THNSL1: variants seen among roughly 807,000 people sequenced by gnomAD.
The protein encoded by THNSL1 is threonine synthase like 1.
THNSL1 carries 48 observed loss-of-function variants against 50.4 expected under a neutral mutation model. The ratio of observed to expected loss-of-function variants is 0.95; its 90% CI spans 0.76 to 1.21. The LOEUF is 1.21. Among genes scored for constraint, THNSL1 ranks in the 50% most tolerant of loss-of-function variants. The probability of loss-of-function intolerance (pLI) is 0.00; values close to 1 mark genes in which losing one functional copy is unlikely to be tolerated. For missense variants in THNSL1, 896 were observed against 871.7 expected, an observed-to-expected ratio of 1.03 and a Z score of -0.35; for synonymous variants, 309 against 306.1, an observed-to-expected ratio of 1.01 and a Z score of -0.10.
chr10:24,999,612 A>G, the THNSL1 span: 1 of 1,365,594 alleles, frequency 7.3e-7, no homozygotes, highest in Non-Finnish European at 1.0e-6. Flanking sequence ...AGTTTACTTA[A>G]AGTTTAAATC....
rs1850804891 is a variant in THNSL1, at chr10:25,024,648, A to C, written c.1425A>C (p.Arg475=). ...CGGCTAACTCCATAAACTGGGGCCG[A>C]CTACTTCCGCAGGTAGTTTATCATG... ...LSSANSINWG[R]LLPQVVYHAS... is the part of the protein sequence containing the mutation. Residue 475 remains arginine, a synonymous_variant, in exon 3 of 3, where the codon CGA becomes CGC. Coordinates refer to ENST00000376356, the MANE Select transcript of THNSL1 (RefSeq NM_024838.5). 6.2e-7 allele frequency: 1 copy of C among 1,614,202 alleles called. No homozygotes were observed. The highest frequency in any genetic ancestry group is 8.5e-7 in the Non-Finnish European group (1 of 1,180,046).
the THNSL1 span, chr10:24,995,516 G>C: frequency 3.0e-4 from 247 of 815,124 alleles, 4 homozygotes; most frequent in East Asian, 6.2e-3. Context: ...GATTGCAGAA[G>C]AATGAGAATC....
the THNSL1 span, among the ~76,000 whole-genome samples, chr10:24,970,647 A>C: frequency 6.6e-6 from 1 of 152,236 alleles, no homozygotes. Context: ...CAGGAGTTCA[A>C]GGCTGCAGTG....
chr10:25,018,396 G>C (rs112725084), intron 1 of THNSL1, among the ~76,000 whole-genome samples: 5 of 152,312 alleles, frequency 3.3e-5, no homozygotes, highest in African/African-American at 1.2e-4. Context: ...TGTCTATAAA[G>C]GGGTAGACAG....
At chr10:24,961,783 A>G in the THNSL1 span, among the ~76,000 whole-genome samples, 1 of 152,158 alleles carries the variant, frequency 6.6e-6, no homozygotes, top group Non-Finnish European at 1.5e-5. Flanking sequence ...GACTAATGAA[A>G]AGTTTATGGT....
At chr10:24,985,254 ATCC>A in the THNSL1 span, among the ~76,000 whole-genome samples, 51 of 152,340 alleles carry the variant, frequency 3.3e-4, no homozygotes, top group Middle Eastern at 0.01. Flanking sequence ...TTAGAATGAT[ATCC>A]TCGAGTCAAA....
upstream of THNSL1, among the ~76,000 whole-genome samples, chr10:25,014,421 C>T (rs1190568698): frequency 6.6e-6 from 1 of 152,006 alleles, no homozygotes; most frequent in Non-Finnish European, 1.5e-5. Context: ...ATCACTCCAA[C>T]AGCACCAAGA....
At chr10:24,988,903 C>T in the THNSL1 span, among the ~76,000 whole-genome samples, 10 of 151,792 alleles carry the variant, frequency 6.6e-5, no homozygotes, top group East Asian at 1.6e-3. Context: ...TGGCTCAGGG[C>T]TCGTCAGGAG....
the THNSL1 span, among the ~76,000 whole-genome samples, chr10:25,000,472 G>A: frequency 4.6e-4 from 70 of 152,104 alleles, 1 homozygote; most frequent in African/African-American, 1.6e-3. Flanking sequence ...AATAGTTTTT[G>A]CTTTATGTAT....
At chr10:24,995,467 T>C in the THNSL1 span, among the ~76,000 whole-genome samples, 1 of 152,244 alleles carries the variant, frequency 6.6e-6, no homozygotes, top group African/African-American at 2.4e-5. Flanking sequence ...TACTATGGGT[T>C]CTTTGTAACT....
chr10:25,010,338 A>G, the THNSL1 span, among the ~76,000 whole-genome samples: 1 of 152,198 alleles, frequency 6.6e-6, no homozygotes, highest in Admixed American at 6.5e-5. Context: ...CATCTGATGG[A>G]AGAAATTTCT....
At chr10:24,984,891 G>C in the THNSL1 span, 1 of 1,611,804 alleles carries the variant, frequency 6.2e-7, no homozygotes, top group Non-Finnish European at 8.5e-7. Flanking sequence ...CCTCTTCCCA[G>C]TTCTTTTTCA....
At chr10:25,018,202 GAAA>G (rs1169758000) in intron 1 of THNSL1, among the ~76,000 whole-genome samples, 4 of 152,128 alleles carry the variant, frequency 2.6e-5, no homozygotes, top group African/African-American at 4.8e-5. Context: ...AAATCATTTG[GAAA>G]AAAACTTTTC....
At chr10:25,004,797 G>T in the THNSL1 span, among the ~76,000 whole-genome samples, 1 of 152,028 alleles carries the variant, frequency 6.6e-6, no homozygotes, top group Non-Finnish European at 1.5e-5. Context: ...TGCTTTTGTT[G>T]CCACTGCTTT....
the THNSL1 span, among the ~76,000 whole-genome samples, chr10:24,975,556 C>T: frequency 2.0e-5 from 3 of 152,122 alleles, no homozygotes; most frequent in Non-Finnish European, 4.4e-5. Context: ...AATGCTTTCC[C>T]CCATGCTGTT....
Position 25,024,224 on chromosome 10 carries a change from C to G in THNSL1, c.1001C>G (p.Ser334Ter). The stretch of plus-strand genomic sequence containing the variant: ...AAAATTGCTCCTGTCAGGCACCTTT[C>G]AGGCAACCAGTTCATCCTGGAGTTG... The part of the protein sequence containing the change: ...CSKIAPVRHL[S>*]GNQFILELFH... Residue 334 changes from serine to a stop codon, truncating the protein, a stop_gained, in exon 3 of 3, where the codon TCA (serine) becomes TGA (stop). Coordinates refer to ENST00000376356, the MANE Select transcript of THNSL1 (RefSeq NM_024838.5). LOFTEE classifies it high-confidence loss of function. The G allele has an allele frequency of 1.9e-6, 3 of 1,614,220 alleles. No individual in the cohort carries two copies. The highest frequency in any genetic ancestry group is 2.5e-6 in the Non-Finnish European group (3 of 1,180,034).
chr10:24,978,634 T>C, the THNSL1 span, among the ~76,000 whole-genome samples: 4 of 152,180 alleles, frequency 2.6e-5, no homozygotes, highest in Non-Finnish European at 4.4e-5. Flanking sequence ...TTTGAAAAGA[T>C]TGAAAAATTA....
upstream of THNSL1, among the ~76,000 whole-genome samples, chr10:25,014,494 TAAAG>T (rs1257906851): frequency 1.3e-5 from 2 of 151,932 alleles, no homozygotes; most frequent in South Asian, 2.1e-4. Context: ...GCCAAATGAA[TAAAG>T]ACTGTTCCTA....
the THNSL1 span, among the ~76,000 whole-genome samples, chr10:24,960,051 AC>A: frequency 9.4e-6 from 1 of 106,648 alleles, no homozygotes; most frequent in Non-Finnish European, 2.0e-5. Flanking sequence ...TCCATCCCCC[AC>A]CCCCTTTCCC....
Sources: allele counts gnomAD v4.1 joint callset (sites outside exome capture counted in the v4.1 genomes callset), GRCh38; gene constraint gnomAD v4.1.1; transcripts MANE v1.5; gene names NCBI Gene and HGNC (gene_info 2026-07-23, HGNC 2026-07-21).